Variants in THEMIS observed in about 807,000 individuals in gnomAD.
THEMIS encodes thymocyte selection associated.
THEMIS carries 37 observed loss-of-function variants against 52.6 expected under a neutral mutation model. The observed-to-expected ratio is 0.70, with a 90% CI of 0.54 to 0.93. THEMIS has a LOEUF of 0.93. THEMIS is among the 40% of genes least tolerant of loss of function. The probability of loss-of-function intolerance (pLI) is 0.00; values close to 1 mark genes in which losing one functional copy is unlikely to be tolerated. For missense variants in THEMIS, 808 were observed against 763.1 expected (o/e 1.06, Z -0.69); for synonymous variants, 292 against 272.7 (o/e 1.07, Z -0.70).
chr6:127,747,312 TATAA>T (rs1775479990), intron 4 of THEMIS, among the ~76,000 whole-genome samples: 1 of 125,512 alleles, frequency 8.0e-6, no homozygotes, highest in Admixed American at 8.1e-5. Flanking sequence ...GGTATATAAT[TATAA>T]ATATCTATAT....
intron 4 of THEMIS, among the ~76,000 whole-genome samples, chr6:127,811,653 G>A (rs1403400819): frequency 1.3e-5 from 2 of 152,134 alleles, no homozygotes; most frequent in Non-Finnish European, 2.9e-5. Context: ...GAGTGAGGGG[G>A]AAATTATTCT....
At chr6:127,855,787 T>C (rs1163500302) in intron 1 of THEMIS, among the ~76,000 whole-genome samples, 1 of 151,936 alleles carries the variant, frequency 6.6e-6, no homozygotes, top group East Asian at 1.9e-4. Flanking sequence ...ACTGAAAAGC[T>C]TCATTTTAGT....
At chr6:127,837,928 C>T (rs1028683591) in intron 2 of THEMIS, among the ~76,000 whole-genome samples, 4 of 151,956 alleles carry the variant, frequency 2.6e-5, no homozygotes, top group South Asian at 2.1e-4. Flanking sequence ...ATGATTTACC[C>T]GATTCCTCAC....
chr6:127,889,904 G>T (rs751916412), intron 1 of THEMIS, among the ~76,000 whole-genome samples: 3 of 152,046 alleles, frequency 2.0e-5, no homozygotes, highest in Non-Finnish European at 2.9e-5. Flanking sequence ...AACGTCACAA[G>T]ATGCCAACAC....
At chr6:127,760,083 CT>C (rs34663747) in intron 4 of THEMIS, among the ~76,000 whole-genome samples, 1,601 of 142,944 alleles carry the variant, frequency 0.011, 12 homozygotes, top group African/African-American at 0.03. Flanking sequence ...AATCGAATCT[CT>C]TTTTTTTTTT....
intron 2 of THEMIS, among the ~76,000 whole-genome samples, chr6:127,834,850 G>T (rs1778822369): frequency 6.6e-6 from 1 of 152,084 alleles, no homozygotes; most frequent in South Asian, 2.1e-4. Flanking sequence ...TAGCTCTTAA[G>T]ATCAAATGAT....
downstream of THEMIS, among the ~76,000 whole-genome samples, chr6:127,703,119 C>T (rs1315106496): frequency 8.0e-6 from 1 of 125,534 alleles, no homozygotes; most frequent in East Asian, 2.5e-4. Context: ...GGGATCTCGG[C>T]TCACTGCAAG....
intron 4 of THEMIS, among the ~76,000 whole-genome samples, chr6:127,800,858 G>T (rs545283015): frequency 5.4e-4 from 82 of 152,328 alleles, no homozygotes; most frequent in South Asian, 1.2e-3. Flanking sequence ...TCAGCCTGAA[G>T]ATGGCCTATT....
intron 2 of THEMIS, among the ~76,000 whole-genome samples, chr6:127,836,307 TTCTC>T (rs1308531626): frequency 6.6e-6 from 1 of 152,098 alleles, no homozygotes; most frequent in Non-Finnish European, 1.5e-5. Flanking sequence ...CCCCATATGT[TTCTC>T]TCTCTACACA....
At position 127,813,315 on chromosome 6, in the gene THEMIS, T is replaced by A; in HGVS notation, c.1326A>T (p.Lys442Asn). Residue 442 changes from lysine (K) to asparagine (N), a missense_variant, in exon 4 of 6, where the codon AAA (lysine) becomes AAT (asparagine). Physicochemically the swap from Lys to Asn is moderately conservative, Grantham distance 94. Transcript: ENST00000368248. ...TACAGAGCTCAGAAATCGGGTACTG[T>A]TTCTTATCATGAATCACCTCTACAA... is the stretch of plus-strand genomic sequence containing the variant. ...GGFVEVIHDK[K>N]QYPISELCKQ... is the part of the protein sequence containing the mutation. The A allele has an allele frequency of 6.2e-7, 1 of 1,614,146 alleles. No homozygotes were observed. Among genetic ancestry groups the A allele is most frequent in the East Asian group, 2.2e-5 (1 of 44,882 alleles).
chr6:127,746,386 A>C (rs1169172623), intron 4 of THEMIS, among the ~76,000 whole-genome samples: 1 of 151,682 alleles, frequency 6.6e-6, no homozygotes. Flanking sequence ...TGCCACACAG[A>C]CACTGCTCTT....
At chr6:127,754,914 T>C (rs1007736777) in intron 4 of THEMIS, among the ~76,000 whole-genome samples, 3 of 152,152 alleles carry the variant, frequency 2.0e-5, no homozygotes, top group Non-Finnish European at 4.4e-5. Flanking sequence ...ACACAAAATA[T>C]GTACAGAAGG....
intron 1 of THEMIS, among the ~76,000 whole-genome samples, chr6:127,877,441 G>A (rs1780347654): frequency 6.6e-6 from 1 of 151,982 alleles, no homozygotes; most frequent in Non-Finnish European, 1.5e-5. Context: ...TCTAGCTTTT[G>A]ATTGAAAGTG....
intron 4 of THEMIS, among the ~76,000 whole-genome samples, chr6:127,724,839 G>A (rs1265408634): frequency 1.3e-5 from 2 of 151,934 alleles, no homozygotes; most frequent in East Asian, 3.9e-4. Flanking sequence ...TAACCAAGAT[G>A]TCCACAAAAA....
intron 1 of THEMIS, among the ~76,000 whole-genome samples, chr6:127,899,522 A>G (rs898072696): frequency 6.6e-6 from 1 of 151,950 alleles, no homozygotes; most frequent in Non-Finnish European, 1.5e-5. Flanking sequence ...TCAGCTTAGC[A>G]AATGGTACCT....
chr6:127,822,770 A>G (rs1222528224), intron 3 of THEMIS, among the ~76,000 whole-genome samples: 1 of 152,080 alleles, frequency 6.6e-6, no homozygotes, highest in African/African-American at 2.4e-5. Context: ...CTTTCAGTAA[A>G]GGATGTTACC....
chr6:127,704,634 G>A (rs1773777432), downstream of THEMIS, among the ~76,000 whole-genome samples: 1 of 152,218 alleles, frequency 6.6e-6, no homozygotes, highest in African/African-American at 2.4e-5. Context: ...TCTTGAGCTA[G>A]TTGCTATCAG....
At chr6:127,869,226 A>G (rs1412593413) in intron 1 of THEMIS, among the ~76,000 whole-genome samples, 1 of 152,212 alleles carries the variant, frequency 6.6e-6, no homozygotes, top group Non-Finnish European at 1.5e-5. Context: ...TAAGTTAAAA[A>G]TATCTTAAGT....
chr6:127,888,772 T>C (rs1221879565), intron 1 of THEMIS, among the ~76,000 whole-genome samples: 1 of 152,108 alleles, frequency 6.6e-6, no homozygotes, highest in Admixed American at 6.6e-5. Flanking sequence ...ATGGTAATGT[T>C]AGCAATATGA....
Sources: allele counts gnomAD v4.1 joint callset (sites outside exome capture counted in the v4.1 genomes callset), GRCh38; gene constraint gnomAD v4.1.1; transcripts MANE v1.5; gene names NCBI Gene and HGNC (gene_info 2026-07-23, HGNC 2026-07-21).